ZC3H11A: variants seen among roughly 807,000 people sequenced by gnomAD.
ZC3H11A encodes the protein zinc finger CCCH-type containing 11A.
Under a neutral mutation model 90.8 loss-of-function variants are expected in ZC3H11A, and 22 were observed. That is an observed-to-expected ratio of 0.24 (90% CI 0.17 to 0.35). The LOEUF is 0.35. Among genes scored for constraint, ZC3H11A ranks in the 10% least tolerant of loss-of-function variants. ZC3H11A has a pLI of 1.00. For missense variants in ZC3H11A, 701 were observed against 964.9 expected (o/e 0.73, Z 3.62); for synonymous variants, 294 against 339.8 (o/e 0.87, Z 1.48).
At chr1:203,808,029 A>C (rs1672979312) in intron 2 of ZC3H11A, among the ~76,000 whole-genome samples, 1 of 152,118 alleles carries the variant, frequency 6.6e-6, no homozygotes, top group Non-Finnish European at 1.5e-5. Flanking sequence ...GATGTGAGCC[A>C]CCATGCCTGG....
chr1:203,798,592 A>AT, intron 1 of ZC3H11A: 1 of 1,536,160 alleles, frequency 6.5e-7, no homozygotes, highest in South Asian at 1.2e-5. Flanking sequence ...GGCAGCCAAG[A>AT]TTTAACAGCT....
chr1:203,800,969 C>T (rs1266610941), intron 1 of ZC3H11A: 2 of 152,286 alleles, frequency 1.3e-5, no homozygotes, highest in Non-Finnish European at 2.9e-5. Flanking sequence ...CTAATTGCCT[C>T]CTCATACTGG....
chr1:203,797,862 C>CT, intron 1 of ZC3H11A: 2 of 1,536,022 alleles, frequency 1.3e-6, no homozygotes, highest in Non-Finnish European at 8.7e-7. Context: ...TGAAGAAAGT[C>CT]TTTTTGAGAG....
In ZC3H11A at chr1:203,849,737, C is replaced by T; in HGVS notation, c.1650C>T (p.Asp550=). The change falls in exon 15 of 18, where the codon GAC becomes GAT. Residue 550 remains aspartate (D), a synonymous_variant. Coordinates refer to ENST00000367210, the MANE Select transcript of ZC3H11A (RefSeq NM_001376342.1). ...KEASGETTGV[D]ITKIQVKRCE... The stretch of plus-strand genomic sequence containing the variant: ...CTTCAGGTGAGACCACAGGAGTTGA[C>T]ATCACTAAAATTCAAGTCAAGAGAT... 6.2e-7 allele frequency: 1 copy of T among 1,613,922 alleles called. No homozygotes were observed. Among genetic ancestry groups the T allele is most frequent in the Non-Finnish European group, 8.5e-7 (1 of 1,179,860 alleles).
chr1:203,831,934 T>G (rs1682511596), intron 9 of ZC3H11A, among the ~76,000 whole-genome samples, 163 bp downstream of exon 9: 1 of 152,226 alleles, frequency 6.6e-6, no homozygotes. Flanking sequence ...ACTCTAATAT[T>G]TAAAAGGTTG....
chr1:203,847,496 G>T lies in ZC3H11A; in HGVS notation c.1355G>T (p.Ser452Ile). The T allele has an allele frequency of 6.2e-7, 1 of 1,613,964 alleles. No homozygotes were observed. Among genetic ancestry groups the T allele is most frequent in the Non-Finnish European group, 8.5e-7 (1 of 1,179,872 alleles). Reference protein sequence around the residue: ...KTVVLPPIVASRGQSEEPAGK... With the variant: ...KTVVLPPIVAIRGQSEEPAGK... Reference sequence around the variant, plus strand: ...GTAGTTTTGCCACCCATTGTTGCCAGCAGAGGACAATCAGAGGAGCCTGCA... The same window carrying T: ...GTAGTTTTGCCACCCATTGTTGCCATCAGAGGACAATCAGAGGAGCCTGCA... Residue 452 changes from serine to isoleucine, a missense_variant, in exon 13 of 18, where the codon AGC becomes ATC. Ser to Ile is a moderately radical substitution (Grantham distance 142). Around this residue, in one of 4 missense-constraint regions of ZC3H11A, gnomAD observed 530 missense variants for 696.2 expected, o/e 0.76. Coordinates refer to ENST00000367210, the MANE Select transcript of ZC3H11A (RefSeq NM_001376342.1).
intron 9 of ZC3H11A, among the ~76,000 whole-genome samples, chr1:203,832,341 G>A (rs1682656360): frequency 1.3e-5 from 2 of 151,988 alleles, no homozygotes; most frequent in Non-Finnish European, 2.9e-5. Flanking sequence ...GATTACAGGT[G>A]TGAGCCACCG....
intron 4 of ZC3H11A, among the ~76,000 whole-genome samples, chr1:203,820,510 C>CG (rs1390833621): frequency 2.3e-5 from 3 of 127,908 alleles, no homozygotes; most frequent in African/African-American, 8.5e-5. Context: ...CAGAGTCTCG[C>CG]GCTGTTACCC....
chr1:203,852,200 C>T lies in ZC3H11A; in HGVS notation c.2234C>T (p.Pro745Leu), dbSNP rs1275005938. The T allele has an allele frequency of 9.3e-6, 15 of 1,613,508 alleles. No individual in the cohort carries two copies. The highest frequency in any genetic ancestry group is 6.7e-5 in the Admixed American group (4 of 59,952). The change falls in exon 18 of 18, where the codon CCT becomes CTT. Residue 745 changes from proline (P) to leucine (L), a missense_variant. Pro to Leu is a moderately conservative substitution (Grantham distance 98). Around this residue, in one of 4 missense-constraint regions of ZC3H11A, gnomAD observed 91 missense variants for 86.8 expected, o/e 1.05. Transcript: ENST00000367210. ...TCCTCACCCCCGGAGGTGTCTGGCC[C>T]TTCCTCATCCCAAATGAGCATGAAA... is the stretch of plus-strand genomic sequence containing the variant. ...SDSSPPEVSG[P>L]SSSQMSMKTR...
Position 203,848,332 on chromosome 1 carries a change from G to A in ZC3H11A, c.1548G>A (p.Gly516=), listed in dbSNP as rs1688436904. ...ATGATGTCTTTAATGTGAATACAGG[G>A]ATGAAAGAAGAGAAGAACCTTCAGG... The part of the protein sequence containing the change: ...RRLLRITKRT[G]MKEEKNLQEG... The change falls in exon 14 of 18, where the codon GGG becomes GGA. Residue 516 remains glycine (G), a splice_region_variant and synonymous_variant. Coordinates refer to ENST00000367210, the MANE Select transcript of ZC3H11A (RefSeq NM_001376342.1). 1 of 1,612,258 alleles carries A rather than the reference G, an allele frequency of 6.2e-7. No individual in the cohort carries two copies. The highest frequency in any genetic ancestry group is 1.3e-5 in the African/African-American group (1 of 74,924).
intron 2 of ZC3H11A, among the ~76,000 whole-genome samples, chr1:203,805,320 A>G (rs868390193): frequency 6.3e-4 from 95 of 151,786 alleles, no homozygotes; most frequent in Middle Eastern, 3.4e-3. Flanking sequence ...TTTAGTAGAG[A>G]TGGGGTTTCA....
At chr1:203,837,101 C>T (rs548800368) in intron 10 of ZC3H11A, among the ~76,000 whole-genome samples, 1 of 152,068 alleles carries the variant, frequency 6.6e-6, no homozygotes, top group East Asian at 1.9e-4. Flanking sequence ...TCAAGACCAG[C>T]CTGGGCAACA....
intron 2 of ZC3H11A, among the ~76,000 whole-genome samples, chr1:203,815,438 C>T (rs1676059183): frequency 7.0e-6 from 1 of 143,388 alleles, no homozygotes; most frequent in Non-Finnish European, 1.5e-5. Context: ...AGGCTGGTCT[C>T]GAACTCCTGG....
chr1:203,850,420 T>C, intron 15 of ZC3H11A, 95 bp from the exon 16 acceptor site: 2 of 1,502,772 alleles, frequency 1.3e-6, no homozygotes, highest in Non-Finnish European at 1.9e-6. Context: ...GTGGTATTTC[T>C]AGTACTGAAG....
intron 1 of ZC3H11A, chr1:203,799,421 C>A (rs1261597899): frequency 1.4e-6 from 1 of 703,074 alleles, no homozygotes; most frequent in Non-Finnish European, 2.6e-6. Context: ...AAAATGATCA[C>A]CAACTTCCAT....
intron 12 of ZC3H11A, among the ~76,000 whole-genome samples, chr1:203,843,034 C>T (rs997429342): frequency 6.6e-6 from 1 of 151,710 alleles, no homozygotes; most frequent in East Asian, 1.9e-4. Flanking sequence ...TTTTTATCCC[C>T]CATCCTTATC....
intron 4 of ZC3H11A, among the ~76,000 whole-genome samples, chr1:203,821,119 C>T (rs1174533206): frequency 6.6e-6 from 1 of 152,014 alleles, no homozygotes; most frequent in Non-Finnish European, 1.5e-5. Context: ...GGGGCGGTTT[C>T]CCCCACGCTA....
At chr1:203,821,590 G>A (rs948629817) in intron 4 of ZC3H11A, among the ~76,000 whole-genome samples, 2 of 152,130 alleles carry the variant, frequency 1.3e-5, no homozygotes, top group Middle Eastern at 3.4e-3. Flanking sequence ...CCTGTATTCG[G>A]CCATTTATCC....
In ZC3H11A at chr1:203,850,583, C is replaced by G; in HGVS notation, c.2008C>G (p.Arg670Gly). 2 of 1,614,034 alleles carry G rather than the reference C, an allele frequency of 1.2e-6. No individual in the cohort carries two copies. Among genetic ancestry groups the G allele is most frequent in the Non-Finnish European group, 1.7e-6 (2 of 1,179,938 alleles). Residue 670 changes from arginine (R) to glycine (G), a missense_variant, in exon 16 of 18, where the codon CGT (arginine) becomes GGT (glycine). Transcript: ENST00000367210. ...GTCATCCCCCAAATTGGCCCCAAAA[C>G]GTAAGGCAGTGGAGATGCACGCTGC... ...VVSSPKLAPK[R>G]KAVEMHAAVI... is the part of the protein sequence containing the mutation.
Sources: allele counts gnomAD v4.1 joint callset (sites outside exome capture counted in the v4.1 genomes callset), GRCh38; gene constraint gnomAD v4.1.1; regional missense constraint gnomAD v4.1.1; transcripts MANE v1.5; gene names NCBI Gene and HGNC (gene_info 2026-07-23, HGNC 2026-07-21).